The following RNF103 variants were observed in gnomAD, a reference collection of about 807,000 sequenced individuals.
RNF103 encodes ring finger protein 103.
RNF103 carries 23 observed loss-of-function variants against 66.2 expected under a neutral mutation model. That is an observed-to-expected ratio of 0.35 (90% CI 0.25 to 0.49). The LOEUF (loss-of-function observed/expected upper bound fraction) is 0.49, where lower values mean the gene tolerates loss of function less well. RNF103 is among the 20% of genes least tolerant of loss of function. The pLI, the probability that RNF103 is intolerant of heterozygous loss-of-function variation, is 0.98. For synonymous variants in RNF103, 297 were observed against 289.9 expected (o/e 1.02, Z -0.25); for missense variants, 730 against 814.7 (o/e 0.90, Z 1.27).
At chr2:86,615,084 G>C (rs1678965540) in intron 2 of RNF103, 1 of 985,220 alleles carries the variant, frequency 1.0e-6, no homozygotes, top group Non-Finnish European at 1.2e-6. Context: ...AGGAATGAGA[G>C]GGGTTCTTCC....
rs1679291250 is a variant in RNF103, at chr2:86,622,963, C to T, written c.-77G>A. ...AGGGTCGAGGGCGGGGGCCGCGGCT[C>T]GGTGGCAGCTTGGGCGAGGGCCCCG... On this transcript the variant is annotated 5_prime_UTR_variant, in exon 1 of 4. Transcript: ENST00000237455. 6.7e-7 allele frequency: 1 copy of T among 1,485,080 alleles called. No homozygotes were observed. Among genetic ancestry groups the T allele is most frequent in the Admixed American group, 2.3e-5 (1 of 42,654 alleles). The allele number at this position is 1,485,080 out of a possible 1,614,324, so 92.0% of individuals were successfully genotyped here.
chr2:86,604,101 A>G lies in RNF103; in HGVS notation c.1800T>C (p.Thr600=). The G allele has an allele frequency of 1.2e-6, 2 of 1,613,664 alleles. No individual in the cohort carries two copies. Among genetic ancestry groups the G allele is most frequent in the Non-Finnish European group, 1.7e-6 (2 of 1,180,044 alleles). ...RKGRSYGSYN[T]NEDMEPDWLT... ...ACCAATCAGGTTCCATATCTTCATT[A>G]GTGTTATATGATCCATATGACCTCC... is the stretch of plus-strand genomic sequence containing the variant. Residue 600 remains threonine (T), a synonymous_variant, in exon 4 of 4, where the codon ACT becomes ACC. Coordinates refer to ENST00000237455, the MANE Select transcript of RNF103 (RefSeq NM_005667.4).
chr2:86,623,705 G>A lies in RNF103; in HGVS notation c.-819C>T. 1.6e-6 allele frequency: 2 copies of A among 1,241,034 alleles called. No homozygotes were observed. Among genetic ancestry groups the A allele is most frequent in the Non-Finnish European group, 2.1e-6 (2 of 968,018 alleles). The allele number at this position is 1,241,034 out of a possible 1,614,324, so 76.9% of individuals were successfully genotyped here. ...AGGCCCCGAGACTGCTCCTCCAGGC[G>A]GCTACCCGGCTGCCTCCCGGCCACT... On this transcript the variant is annotated 5_prime_UTR_variant, in exon 1 of 4. Transcript: ENST00000237455.
chr2:86,622,705 C>A lies in RNF103; in HGVS notation c.182G>T (p.Gly61Val). The A allele has an allele frequency of 1.2e-6, 2 of 1,614,178 alleles. No homozygotes were observed. Among genetic ancestry groups the A allele is most frequent in the Non-Finnish European group, 1.7e-6 (2 of 1,180,030 alleles). The stretch of plus-strand genomic sequence containing the variant: ...CCGGACATCCTTCTTCTCGGGCAAC[C>A]CTGAGTAGCCCAACCCCCGGCACTC... ...ILECRGLGYS[G>V]LPEKKDVREL... Residue 61 changes from glycine to valine, a missense_variant, in exon 1 of 4, where the codon GGG (glycine) becomes GTG (valine). By Grantham distance (109) the Gly-to-Val change is moderately radical. This residue lies in a region of RNF103 where 327 missense variants were observed against 369.8 expected (regional missense o/e 0.88). Transcript: ENST00000237455.
At chr2:86,622,112 A>G (rs1053006097) in intron 1 of RNF103, among the ~76,000 whole-genome samples, 7 of 152,234 alleles carry the variant, frequency 4.6e-5, no homozygotes, top group Non-Finnish European at 1.0e-4. Flanking sequence ...CCTTATTTTC[A>G]CCAAACTTAA....
intron 1 of RNF103, among the ~76,000 whole-genome samples, chr2:86,622,186 A>G (rs1412452831): frequency 6.6e-6 from 1 of 152,226 alleles, no homozygotes; most frequent in Non-Finnish European, 1.5e-5. Flanking sequence ...TTTAACATTT[A>G]AATCCTAGGC....
At chr2:86,612,342 C>G in intron 2 of RNF103, 68 bp from the exon 3 acceptor site, 1 of 803,316 alleles carries the variant, frequency 1.2e-6, no homozygotes, top group Middle Eastern at 2.3e-4. Flanking sequence ...CCGTTTACAT[C>G]AACAATATAA....
intron 3 of RNF103, among the ~76,000 whole-genome samples, chr2:86,606,390 T>G (rs553367790): frequency 1.3e-5 from 2 of 151,788 alleles, no homozygotes; most frequent in Non-Finnish European, 2.9e-5. Context: ...ACAGGCTGGG[T>G]GCAGTGGCTC....
At chr2:86,617,547 T>C (rs1307832391) in intron 2 of RNF103, 3 of 665,944 alleles carry the variant, frequency 4.5e-6, no homozygotes, top group African/African-American at 2.0e-5. Context: ...ACATAGACTA[T>C]ATAGGATTTG....
chr2:86,618,990 G>T (rs1679122748), intron 2 of RNF103, among the ~76,000 whole-genome samples: 1 of 152,130 alleles, frequency 6.6e-6, no homozygotes, highest in African/African-American at 2.4e-5. Flanking sequence ...AGATTATCCG[G>T]AAGGTAAAAG....
intron 3 of RNF103, 55 bp downstream of exon 3, chr2:86,612,104 A>G (rs556802834): frequency 1.7e-6 from 2 of 1,172,440 alleles, no homozygotes; most frequent in Non-Finnish European, 2.5e-6. Context: ...GCCCTTTTTA[A>G]ATAAGAAAGA....
rs1678917454 is a variant in RNF103 at position 86,614,139 on chromosome 2, GGCAGA to G, written c.367-1870_367-1866del. 2.0e-5 allele frequency: 3 copies of G among 152,238 alleles called. 1 individual carries two copies. Among genetic ancestry groups the G allele is most frequent in the Middle Eastern group, 3.4e-3 (1 of 294 alleles). 9.4% of individuals were successfully genotyped at this position (152,238 alleles called of 1,614,324 possible). A position where few individuals can be genotyped will look rare whatever the true frequency, so the allele number is the denominator to read the frequency against. ...TAATGAAAATAAGTGGTCTTATTGA[GGCAGA>G]TACAATTTATTCAAATACTCAGACA... On this transcript the variant is annotated intron_variant, in intron 2 of 3. Coordinates refer to ENST00000237455, the MANE Select transcript of RNF103 (RefSeq NM_005667.4).
At position 86,614,960 on chromosome 2, in the gene RNF103, G is replaced by A. The variant is rs551025431; in HGVS notation, c.367-2686C>T. On this transcript the variant is annotated intron_variant, in intron 2 of 3. Transcript: ENST00000237455. The stretch of plus-strand genomic sequence containing the variant: ...CTCCAAGGAGTTTAGAGGTTGCCTC[G>A]CCAGTGTAAATATTTAGTTCCTAAG... 33 of 985,314 alleles carry A rather than the reference G, an allele frequency of 3.3e-5. No individual in the cohort carries two copies. In the East Asian group the frequency reaches 1.0e-3, roughly 30 times the overall value. The allele number at this position is 985,314 out of a possible 1,614,324, so 61.0% of individuals were successfully genotyped here.
intron 3 of RNF103, among the ~76,000 whole-genome samples, chr2:86,607,880 T>G (rs1469353266): frequency 6.6e-6 from 1 of 152,206 alleles, no homozygotes. Flanking sequence ...AATGAACAAG[T>G]TCTAAGTGCA....
Position 86,604,659 on chromosome 2 carries a change from A to G in RNF103, c.1242T>C (p.Ser414=). ...SWVRADWMFY[S]SHPALFLSTY... The stretch of plus-strand genomic sequence containing the variant: ...TACTGAGAAACAGGGCTGGGTGTGA[A>G]GAGTAAAACATCCAGTCTGCCCTTA... The change falls in exon 4 of 4, where the codon TCT becomes TCC. Residue 414 remains serine, a synonymous_variant. Coordinates refer to ENST00000237455, the MANE Select transcript of RNF103 (RefSeq NM_005667.4). 6.2e-7 allele frequency: 1 copy of G among 1,614,228 alleles called. No individual in the cohort carries two copies. Among genetic ancestry groups the G allele is most frequent in the South Asian group, 1.1e-5 (1 of 91,090 alleles).
chr2:86,606,191 C>G (rs76569162), intron 3 of RNF103, among the ~76,000 whole-genome samples: 6,377 of 130,646 alleles, frequency 0.049, 211 homozygotes, highest in African/African-American at 0.1. Flanking sequence ...GAATGATCCC[C>G]ATTTTACAGC....
chr2:86,616,528 A>G (rs1573366291), intron 2 of RNF103: 2 of 985,270 alleles, frequency 2.0e-6, no homozygotes, highest in Non-Finnish European at 2.4e-6. Context: ...CTTCACCTCC[A>G]TAGCAGTATC....
intron 2 of RNF103, chr2:86,613,715 G>C (rs576305059): frequency 1.3e-5 from 2 of 152,238 alleles, no homozygotes; most frequent in East Asian, 3.9e-4. Context: ...CTCTGTGCTA[G>C]AACGTCTAAC....
chr2:86,622,708 G>A lies in RNF103; in HGVS notation c.179C>T (p.Ser60Leu). 6.2e-7 allele frequency: 1 copy of A among 1,614,180 alleles called. No individual in the cohort carries two copies. The highest frequency in any genetic ancestry group is 8.5e-7 in the Non-Finnish European group (1 of 1,180,026). ...TILECRGLGY[S>L]GLPEKKDVRE... is the part of the protein sequence containing the mutation. ...GACATCCTTCTTCTCGGGCAACCCT[G>A]AGTAGCCCAACCCCCGGCACTCCAA... The change falls in exon 1 of 4, where the codon TCA becomes TTA. Residue 60 changes from serine (S) to leucine (L), a missense_variant. Ser to Leu is a moderately radical substitution (Grantham distance 145). Coordinates refer to ENST00000237455, the MANE Select transcript of RNF103 (RefSeq NM_005667.4).
Sources: gnomAD v4.1 joint callset for allele counts (sites outside exome capture counted in the v4.1 genomes callset) on GRCh38, gnomAD v4.1.1 for gene constraint, gnomAD v4.1.1 regional missense constraint, MANE v1.5 for transcripts, NCBI Gene and HGNC (gene_info 2026-07-23, HGNC 2026-07-21) for gene names.